Variants in MAPK10 observed in about 807,000 individuals in gnomAD.
MAPK10 encodes mitogen-activated protein kinase 10.
Under a neutral mutation model 59.3 loss-of-function variants are expected in MAPK10, and 25 were observed. That is an observed-to-expected ratio of 0.42 (90% confidence interval 0.31 to 0.59). The LOEUF is 0.59. Ranked by LOEUF, MAPK10 falls within the 20% of genes least tolerant of loss-of-function variation. The pLI, the probability that MAPK10 is intolerant of heterozygous loss-of-function variation, is 0.15. For synonymous variants in MAPK10, 190 were observed against 200.5 expected, an observed-to-expected ratio of 0.95 and a Z score of 0.44; for missense variants, 351 against 568.9, an observed-to-expected ratio of 0.62 and a Z score of 3.90.
chr4:86,395,062 T>C (rs1030876656), intron 1 of MAPK10, among the ~76,000 whole-genome samples: 1 of 22,850 alleles, frequency 4.4e-5, no homozygotes, highest in East Asian at 1.2e-3. Context: ...ATTCACAGTA[T>C]TGAGTCAATA....
chr4:86,090,032 G>T (rs2052771979), intron 9 of MAPK10, among the ~76,000 whole-genome samples: 2 of 152,098 alleles, frequency 1.3e-5, no homozygotes, highest in South Asian at 4.1e-4. Flanking sequence ...AATTATAATG[G>T]TCTCTCTGTT....
chr4:86,159,489 A>G (rs2068838161), intron 3 of MAPK10, 22 bp from the exon 4 acceptor site: 1 of 1,603,168 alleles, frequency 6.2e-7, no homozygotes, highest in Non-Finnish European at 8.5e-7. Context: ...AAGAACAGCA[A>G]AAACATGAGG....
At chr4:86,211,517 T>C (rs145491807) in intron 2 of MAPK10, among the ~76,000 whole-genome samples, 107 of 152,190 alleles carry the variant, frequency 7.0e-4, no homozygotes, top group African/African-American at 2.4e-3. Context: ...AATTAAGACA[T>C]TTCCAGATAA....
At chr4:86,112,358 T>A (rs930992828) in intron 4 of MAPK10, among the ~76,000 whole-genome samples, 5 of 152,170 alleles carry the variant, frequency 3.3e-5, no homozygotes, top group Non-Finnish European at 7.3e-5. Context: ...CTTAGAGCTA[T>A]AAATTTCCCT....
intron 11 of MAPK10, 76 bp downstream of exon 11, chr4:86,064,190 C>T: frequency 6.4e-7 from 1 of 1,563,576 alleles, no homozygotes; most frequent in African/African-American, 1.4e-5. Flanking sequence ...ATTCTTTAGG[C>T]TTCTAGTCCT....
chr4:86,048,972 G>C (rs2043016778), intron 11 of MAPK10, among the ~76,000 whole-genome samples: 1 of 151,936 alleles, frequency 6.6e-6, no homozygotes, highest in Admixed American at 6.6e-5. Context: ...CAAGCATAAA[G>C]ACTTCTGCTA....
At position 86,107,322 on chromosome 4, in the gene MAPK10, A is replaced by T. The variant is rs1205520009; in HGVS notation, c.267T>A (p.Asn89Lys). ...CAAYDAVLDR[N>K]VAIKKLSRPF... ...GTCTGCTGAGCTTCTTAATGGCCAC[A>T]TTTCTGTCAAGGACAGCATCATACG... The change falls in exon 5 of 14, where the codon AAT (asparagine) becomes AAA (lysine). Residue 89 changes from asparagine (N) to lysine (K), a missense_variant. Transcript: ENST00000641462. 2 of 1,613,298 alleles carry T rather than the reference A, an allele frequency of 1.2e-6. No homozygotes were observed. Among genetic ancestry groups the T allele is most frequent in the Admixed American group, 1.7e-5 (1 of 59,938 alleles).
At chr4:86,201,103 C>A (rs1468480078) in intron 2 of MAPK10, among the ~76,000 whole-genome samples, 1 of 151,818 alleles carries the variant, frequency 6.6e-6, no homozygotes, top group Non-Finnish European at 1.5e-5. Context: ...CAACATTTGT[C>A]TTTTCATGCT....
At chr4:86,271,362 GGTTT>G (rs918457505) in intron 2 of MAPK10, among the ~76,000 whole-genome samples, 10 of 151,606 alleles carry the variant, frequency 6.6e-5, no homozygotes, top group African/African-American at 1.9e-4. Flanking sequence ...TTCTTCAACT[GGTTT>G]GTTTGTCATT....
chr4:86,297,050 G>T (rs1309940289), intron 2 of MAPK10, among the ~76,000 whole-genome samples: 1 of 152,112 alleles, frequency 6.6e-6, no homozygotes, highest in Non-Finnish European at 1.5e-5. Flanking sequence ...GGTCTGGGGT[G>T]GGGCCTGAAA....
chr4:86,238,260 A>T (rs1283818965), intron 2 of MAPK10, among the ~76,000 whole-genome samples: 1 of 152,156 alleles, frequency 6.6e-6, no homozygotes, highest in East Asian at 1.9e-4. Context: ...CTTGTAGTAT[A>T]GTTTGAAATC....
intron 9 of MAPK10, among the ~76,000 whole-genome samples, chr4:86,070,161 C>G (rs1439718871): frequency 6.6e-6 from 1 of 152,088 alleles, no homozygotes; most frequent in Non-Finnish European, 1.5e-5. Flanking sequence ...GTTCATACTG[C>G]AAATCTGAGT....
Position 86,102,915 on chromosome 4 carries a change from G to A in MAPK10, c.425+271C>T, listed in dbSNP as rs920453521. ...ATAAGCCTTCCCTGAGTGACCAAGA[G>A]CATGGAACAACAAAGTATATAAAGC... On this transcript the variant is annotated intron_variant, in intron 6 of 13. Transcript: ENST00000641462. 15 of 265,000 alleles carry A rather than the reference G, an allele frequency of 5.7e-5. No individual in the cohort carries two copies. The Admixed American group carries it at 7.0e-4, about 12-fold the overall frequency. 16.4% of individuals were successfully genotyped at this position (265,000 alleles called of 1,614,324 possible).
At chr4:86,314,282 T>A (rs769701707) in intron 2 of MAPK10, among the ~76,000 whole-genome samples, 7 of 152,062 alleles carry the variant, frequency 4.6e-5, no homozygotes, top group Admixed American at 4.6e-4. Context: ...TGGCTTTGTG[T>A]CCCCACCCAA....
rs142785275 is a variant in MAPK10 at position 86,040,639 on chromosome 4, G to T, written c.1111-9208C>A. Reference sequence around the variant, plus strand: ...GAGGAAAGTTAAAGTTCTCTAATCAGATTCAATTCAAACAAGATTACACCA... The same window carrying T: ...GAGGAAAGTTAAAGTTCTCTAATCATATTCAATTCAAACAAGATTACACCA... On this transcript the variant is annotated intron_variant, in intron 11 of 13. Transcript: ENST00000641462. 1.9e-4 allele frequency among the ~76,000 whole-genome samples: 29 copies of T among 152,128 alleles called. No homozygotes were observed. In the East Asian group the frequency reaches 5.2e-3, roughly 27 times the overall value.
intron 1 of MAPK10, among the ~76,000 whole-genome samples, chr4:86,572,326 T>C (rs1210322698): frequency 7.9e-5 from 12 of 152,182 alleles, no homozygotes; most frequent in African/African-American, 1.4e-4. Flanking sequence ...TAGAATGCCA[T>C]TGTCTTCTTT....
At chr4:86,464,544 GGGTGCAGTGGCTCATGCCTGTAATC>G (rs1752023862) in intron 1 of MAPK10, among the ~76,000 whole-genome samples, 1 of 151,660 alleles carries the variant, frequency 6.6e-6, no homozygotes, top group African/African-American at 2.4e-5. Context: ...CCTTTTTGCT[GGGTGCAGTGGCTCATGCCTGTAATC>G]CCAGCACTTT....
intron 2 of MAPK10, among the ~76,000 whole-genome samples, chr4:86,351,589 CT>C (rs1413982849): frequency 6.6e-6 from 1 of 151,878 alleles, no homozygotes; most frequent in Non-Finnish European, 1.5e-5. Context: ...ATTTTTTTAA[CT>C]GGATTCCTGC....
intron 1 of MAPK10, among the ~76,000 whole-genome samples, chr4:86,556,046 G>A (rs1156728682): frequency 6.6e-6 from 1 of 152,172 alleles, no homozygotes; most frequent in Non-Finnish European, 1.5e-5. Flanking sequence ...ACATTTTACA[G>A]TCCATTGCAT....
Sources: gnomAD v4.1 joint callset for allele counts (sites outside exome capture counted in the v4.1 genomes callset) on GRCh38, gnomAD v4.1.1 for gene constraint, MANE v1.5 for transcripts, NCBI Gene and HGNC (gene_info 2026-07-23, HGNC 2026-07-21) for gene names.